NRG1: variants seen among roughly 807,000 people sequenced by gnomAD.
The protein encoded by NRG1 is pro-neuregulin-1, membrane-bound isoform.
A neutral mutation model predicts 63.8 loss-of-function variants in NRG1; 18 were observed. That is an observed-to-expected ratio of 0.28 (90% CI 0.19 to 0.42). The LOEUF (loss-of-function observed/expected upper bound fraction) is 0.42. NRG1 is among the 10% of genes least tolerant of loss of function. The pLI is 1.00. For missense variants in NRG1, 762 were observed against 814.7 expected, an observed-to-expected ratio of 0.94 and a Z score of 0.79; for synonymous variants, 302 against 301.3, an observed-to-expected ratio of 1.00 and a Z score of -0.02.
chr8:32,553,275 A>G (rs982253825), intron 1 of NRG1, among the ~76,000 whole-genome samples: 2 of 152,204 alleles, frequency 1.3e-5, no homozygotes, highest in Admixed American at 1.3e-4. Flanking sequence ...CCAACATGTA[A>G]TAAGTGCCCA....
intron 1 of NRG1, 27 bp from the exon 2 acceptor site, chr8:32,595,801 G>C: frequency 6.3e-7 from 1 of 1,594,070 alleles, no homozygotes; most frequent in Non-Finnish European, 8.5e-7. Context: ...GATCAGAGTT[G>C]TTTTTCATTC....
chr8:31,968,207 G>T (rs115532890), intron 1 of NRG1, among the ~76,000 whole-genome samples: 2 of 152,302 alleles, frequency 1.3e-5, no homozygotes, highest in East Asian at 3.9e-4. Context: ...AAATAAGTAT[G>T]CATGAAACAT....
At chr8:32,297,932 A>G (rs1855086035) in intron 1 of NRG1, among the ~76,000 whole-genome samples, 1 of 152,244 alleles carries the variant, frequency 6.6e-6, no homozygotes, top group African/African-American at 2.4e-5. Flanking sequence ...TAATGAGAAG[A>G]ATGCTTTGCA....
chr8:31,823,627 C>A (rs999882770), intron 1 of NRG1, among the ~76,000 whole-genome samples: 6 of 152,166 alleles, frequency 3.9e-5, no homozygotes, highest in African/African-American at 1.4e-4. Flanking sequence ...TAAGTAAACA[C>A]CTTTGTCCAC....
chr8:31,890,563 T>A (rs1831067658), intron 1 of NRG1, among the ~76,000 whole-genome samples: 1 of 152,064 alleles, frequency 6.6e-6, no homozygotes, highest in Non-Finnish European at 1.5e-5. Context: ...TCATGACATT[T>A]CCTAGAGTTA....
chr8:32,674,102 A>G (rs889796993), intron 5 of NRG1, among the ~76,000 whole-genome samples: 5 of 152,174 alleles, frequency 3.3e-5, no homozygotes, highest in Non-Finnish European at 7.3e-5. Context: ...AACCCTGTAC[A>G]GGTATGTTAG....
chr8:31,736,551 C>T (rs1038183021), intron 1 of NRG1, among the ~76,000 whole-genome samples: 16 of 152,008 alleles, frequency 1.1e-4, no homozygotes, highest in Admixed American at 1.0e-3. Flanking sequence ...GCACAGGCAG[C>T]CAAGAAACAA....
intron 1 of NRG1, among the ~76,000 whole-genome samples, chr8:32,441,786 G>A (rs1333483219): frequency 6.6e-6 from 1 of 152,064 alleles, no homozygotes; most frequent in Non-Finnish European, 1.5e-5. Flanking sequence ...AATGCTAACA[G>A]TAGGTGCCAA....
At chr8:32,324,722 T>G (rs1429643184) in intron 1 of NRG1, among the ~76,000 whole-genome samples, 1 of 152,232 alleles carries the variant, frequency 6.6e-6, no homozygotes, top group East Asian at 1.9e-4. Flanking sequence ...TAAATAGTTC[T>G]CAATAGTTTT....
intron 1 of NRG1, among the ~76,000 whole-genome samples, chr8:31,838,136 C>T (rs749494966): frequency 9.1e-4 from 139 of 151,924 alleles, no homozygotes; most frequent in Non-Finnish European, 1.1e-3. Context: ...AGCATAATAA[C>T]GATTTTAATA....
At chr8:32,478,009 A>G (rs1824743130) in intron 1 of NRG1, among the ~76,000 whole-genome samples, 2 of 152,234 alleles carry the variant, frequency 1.3e-5, no homozygotes, top group Admixed American at 6.5e-5. Flanking sequence ...AAAAATCACG[A>G]CAGATAATAA....
intron 1 of NRG1, among the ~76,000 whole-genome samples, chr8:31,750,600 TCA>T (rs968550651): frequency 1.3e-5 from 2 of 151,978 alleles, no homozygotes; most frequent in African/African-American, 4.8e-5. Flanking sequence ...GATGCATCTG[TCA>T]CCTGTAAGTA....
In NRG1 at chr8:31,875,780, T is replaced by A. The variant is rs147150341; in HGVS notation, c.37+236349T>A. Among the ~76,000 whole-genome samples the A allele has an allele frequency of 4.1e-3, 620 of 152,274 alleles. 4 individuals carry two copies. The Middle Eastern group carries it at 0.041, about 10-fold the overall frequency. ...GCTTTGTTTTTGTTCTTTTCTTCTT[T>A]AGGTTTTCATCTGAAGGCAAGTAAC... On this transcript the variant is annotated intron_variant, in intron 1 of 10. Coordinates refer to the NRG1 transcript ENST00000519301.
rs576799005 is a variant in NRG1, at chr8:32,647,340, A to G, written c.502+30455A>G. On this transcript the variant is annotated intron_variant, in intron 5 of 11. Coordinates refer to ENST00000356819, the Ensembl canonical transcript of NRG1. Reference sequence around the variant, plus strand: ...TCATCTGAGCAGACACCAGCTTCAGATGCTCGAGGTGAGAAACATGCCTTT... The same window carrying G: ...TCATCTGAGCAGACACCAGCTTCAGGTGCTCGAGGTGAGAAACATGCCTTT... 5.0e-5 allele frequency: 49 copies of G among 985,154 alleles called. 1 individual carries two copies. The South Asian group carries it at 2.1e-3, about 43-fold the overall frequency. 61.0% of individuals were successfully genotyped at this position (985,154 alleles called of 1,614,324 possible). A position where few individuals can be genotyped will look rare whatever the true frequency, so the allele number is the denominator to read the frequency against.
At chr8:32,204,256 A>G (rs142459223) in intron 1 of NRG1, among the ~76,000 whole-genome samples, 244 of 152,312 alleles carry the variant, frequency 1.6e-3, no homozygotes, top group Middle Eastern at 3.4e-3. Flanking sequence ...ACTTGGTATA[A>G]GACAGCAAAC....
At chr8:32,744,274 G>A (rs918608447) in intron 7 of NRG1, among the ~76,000 whole-genome samples, 4 of 152,090 alleles carry the variant, frequency 2.6e-5, no homozygotes, top group African/African-American at 9.7e-5. Flanking sequence ...ATTTAGGGAG[G>A]TAGTATTTAT....
chr8:32,523,357 C>A (rs1830517430), intron 1 of NRG1, among the ~76,000 whole-genome samples: 1 of 152,130 alleles, frequency 6.6e-6, no homozygotes, highest in South Asian at 2.1e-4. Context: ...CCAGTGCTCT[C>A]TTCTTTTCAA....
At chr8:31,925,276 G>T (rs1214945197) in intron 1 of NRG1, among the ~76,000 whole-genome samples, 1 of 148,082 alleles carries the variant, frequency 6.8e-6, no homozygotes, top group Non-Finnish European at 1.5e-5. Context: ...GTGTTATTAG[G>T]TCTATAAACA....
At chr8:32,729,359 C>G (rs16879888) in intron 6 of NRG1, among the ~76,000 whole-genome samples, 3 of 152,012 alleles carry the variant, frequency 2.0e-5, no homozygotes, top group East Asian at 3.9e-4. Context: ...ACAGCTATAT[C>G]CCAAAAGCAA....
Sources: gnomAD v4.1 joint callset for allele counts (sites outside exome capture counted in the v4.1 genomes callset) on GRCh38, gnomAD v4.1.1 for gene constraint, MANE v1.5 for transcripts, NCBI Gene and HGNC (gene_info 2026-07-23, HGNC 2026-07-21) for gene names.